Variants in SH3KBP1 observed in about 807,000 individuals in gnomAD.
SH3KBP1 encodes the protein SH3 domain-containing kinase-binding protein 1.
SH3KBP1 carries 8 observed loss-of-function variants against 50.1 expected under a neutral mutation model. The observed-to-expected ratio is 0.16, with a 90% CI of 0.09 to 0.29. The LOEUF (loss-of-function observed/expected upper bound fraction) is 0.29. Ranked by LOEUF, SH3KBP1 falls within the 10% of genes least tolerant of loss-of-function variation. The probability of loss-of-function intolerance (pLI) is 1.00; values close to 1 mark genes in which losing one functional copy is unlikely to be tolerated. For synonymous variants in SH3KBP1, 227 were observed against 218.6 expected (o/e 1.04, Z -0.34); for missense variants, 377 against 535.2 (o/e 0.70, Z 2.92).
At chrX:19,859,038 A>G (rs1038952547) in intron 1 of SH3KBP1, among the ~76,000 whole-genome samples, 4 of 112,551 alleles carry the variant, frequency 3.6e-5, no homozygotes, top group Non-Finnish European at 5.6e-5. Context: ...TGTGTAGTAC[A>G]GTGTTTTCAA....
chrX:19,655,656 G>A (rs1040250244), intron 6 of SH3KBP1, among the ~76,000 whole-genome samples: 2 of 110,548 alleles, frequency 1.8e-5, no homozygotes, highest in Admixed American at 9.7e-5. Context: ...TAGACACTTG[G>A]GACTCCAAAA....
chrX:19,636,546 A>C (rs1255489364), intron 7 of SH3KBP1, among the ~76,000 whole-genome samples: 1 of 111,736 alleles, frequency 8.9e-6, no homozygotes, highest in Non-Finnish European at 1.9e-5. Flanking sequence ...CACCCTCCCC[A>C]AAAAACATTA....
intron 6 of SH3KBP1, among the ~76,000 whole-genome samples, chrX:19,672,434 G>A (rs753149024): frequency 2.7e-5 from 3 of 111,714 alleles, no homozygotes; most frequent in East Asian, 5.6e-4. Context: ...TAACACCTAC[G>A]TCAGCCAAGG....
At chrX:19,767,013 C>G (rs2065641145) in intron 2 of SH3KBP1, among the ~76,000 whole-genome samples, 1 of 111,310 alleles carries the variant, frequency 9.0e-6, no homozygotes, top group Non-Finnish European at 1.9e-5. Context: ...AGTCCTTATC[C>G]TTAAAATGAG....
chrX:19,653,343 C>G (rs1442328534), intron 6 of SH3KBP1, among the ~76,000 whole-genome samples: 2 of 111,586 alleles, frequency 1.8e-5, no homozygotes, highest in African/African-American at 6.5e-5. Context: ...TTCATTTGAT[C>G]TCCCACAAGA....
chrX:19,837,037 C>T (rs1423510947), intron 1 of SH3KBP1, among the ~76,000 whole-genome samples: 1 of 112,148 alleles, frequency 8.9e-6, no homozygotes, highest in African/African-American at 3.2e-5. Context: ...GTCAATTAAA[C>T]CTCTTTCCTT....
chrX:19,863,716 C>G (rs1204544717), intron 1 of SH3KBP1, among the ~76,000 whole-genome samples: 3 of 111,257 alleles, frequency 2.7e-5, no homozygotes, highest in African/African-American at 6.5e-5. Flanking sequence ...CCCAACACCC[C>G]CCAACCTCCC....
intron 2 of SH3KBP1, among the ~76,000 whole-genome samples, chrX:19,773,119 T>C (rs368563367): frequency 9.1e-6 from 1 of 110,268 alleles, no homozygotes; most frequent in East Asian, 2.9e-4. Context: ...CAGACACAAA[T>C]AGGAGAGAAA....
chrX:19,668,961 TATATA>T (rs1284695811), intron 6 of SH3KBP1, among the ~76,000 whole-genome samples: 23 of 60,279 alleles, frequency 3.8e-4, no homozygotes, highest in African/African-American at 1.4e-3. Flanking sequence ...TATATATATA[TATATA>T]TATATATATT....
At chrX:19,705,241 A>G (rs962568887) in intron 4 of SH3KBP1, among the ~76,000 whole-genome samples, 2 of 112,300 alleles carry the variant, frequency 1.8e-5, no homozygotes, top group African/African-American at 6.5e-5. Context: ...TTGTTATAAT[A>G]GCTTCCTAAT....
chrX:19,550,853 G>A (rs2065218133), intron 13 of SH3KBP1, among the ~76,000 whole-genome samples: 2 of 110,602 alleles, frequency 1.8e-5, no homozygotes, highest in Non-Finnish European at 3.8e-5. Flanking sequence ...ATGATCTAGT[G>A]CCCAGACTTC....
At chrX:19,852,977 C>T (rs762024620) in intron 1 of SH3KBP1, among the ~76,000 whole-genome samples, 1 of 112,447 alleles carries the variant, frequency 8.9e-6, no homozygotes, top group East Asian at 2.8e-4. Context: ...GATGAGAGTA[C>T]ACAAGCGAGT....
intron 8 of SH3KBP1, among the ~76,000 whole-genome samples, chrX:19,627,706 A>G (rs1448485057): frequency 8.9e-6 from 1 of 112,111 alleles, no homozygotes; most frequent in Non-Finnish European, 1.9e-5. Flanking sequence ...TGTCTGACTC[A>G]TTTTCTAGAA....
At chrX:19,640,924 T>C in intron 7 of SH3KBP1, among the ~76,000 whole-genome samples, 1 of 111,732 alleles carries the variant, frequency 8.9e-6, no homozygotes, top group Non-Finnish European at 1.9e-5. Context: ...ATTATTTACA[T>C]AGGGTGTGTA....
intron 3 of SH3KBP1, among the ~76,000 whole-genome samples, chrX:19,726,166 G>A (rs1023718200): frequency 1.8e-5 from 2 of 111,691 alleles, no homozygotes; most frequent in African/African-American, 6.5e-5. Flanking sequence ...GGGAGTGGGA[G>A]GGGCAAATAG....
At chrX:19,643,220 A>G (rs1326533549) in intron 7 of SH3KBP1, among the ~76,000 whole-genome samples, 1 of 109,720 alleles carries the variant, frequency 9.1e-6, no homozygotes, top group African/African-American at 3.3e-5. Flanking sequence ...GGTGGCACTA[A>G]ATGGAAATCA....
intron 8 of SH3KBP1, among the ~76,000 whole-genome samples, chrX:19,621,014 T>TTTG (rs201096493): frequency 0.012 from 1,247 of 103,200 alleles, 31 homozygotes; most frequent in African/African-American, 0.044. Flanking sequence ...TCAGGTTGGT[T>TTTG]TTTTTTTTTT....
chrX:19,634,174 C>CAG (rs1220711419), intron 7 of SH3KBP1, among the ~76,000 whole-genome samples: 3 of 98,651 alleles, frequency 3.0e-5, no homozygotes, highest in Admixed American at 1.1e-4. Context: ...CATGGAGAGA[C>CAG]AGAGAGAGAG....
chrX:19,848,362 G>A (rs1357388341), intron 1 of SH3KBP1, among the ~76,000 whole-genome samples: 2 of 112,219 alleles, frequency 1.8e-5, no homozygotes, highest in African/African-American at 6.5e-5. Context: ...GGGGCAACAT[G>A]AGCATGATTA....
Sources: gnomAD v4.1 joint callset for allele counts (sites outside exome capture counted in the v4.1 genomes callset) on GRCh38, gnomAD v4.1.1 for gene constraint, MANE v1.5 for transcripts, NCBI Gene and HGNC (gene_info 2026-07-23, HGNC 2026-07-21) for gene names.